The following BBX variants were observed in gnomAD, a reference collection of about 807,000 sequenced individuals.
BBX encodes HMG box transcription factor BBX.
A neutral mutation model predicts 100.2 loss-of-function variants in BBX; 30 were observed. The observed-to-expected ratio is 0.30, with a 90% CI of 0.22 to 0.41. The LOEUF is 0.41. BBX is among the 10% of genes least tolerant of loss of function. The pLI is 1.00. For synonymous variants in BBX, 376 were observed against 388.1 expected (o/e 0.97, Z 0.37); for missense variants, 1,023 against 1,129.8 (o/e 0.91, Z 1.35).
At chr3:107,700,782 G>A (rs983848963) in intron 3 of BBX, among the ~76,000 whole-genome samples, 6 of 151,582 alleles carry the variant, frequency 4.0e-5, no homozygotes, top group African/African-American at 1.5e-4. Context: ...ATTTTTTATG[G>A]CTGCATAGTA....
chr3:107,673,603 C>G (rs2059132773), intron 3 of BBX, among the ~76,000 whole-genome samples: 1 of 151,984 alleles, frequency 6.6e-6, no homozygotes, highest in South Asian at 2.1e-4. Flanking sequence ...GAAAATAATA[C>G]TGATTAAAAG....
At chr3:107,626,741 A>G (rs929671619) in intron 2 of BBX, among the ~76,000 whole-genome samples, 1 of 147,870 alleles carries the variant, frequency 6.8e-6, no homozygotes, top group Non-Finnish European at 1.5e-5. Context: ...TGCAACCTCT[A>G]CCTCCTGGGT....
chr3:107,696,521 T>C (rs1433127832), intron 3 of BBX, among the ~76,000 whole-genome samples: 1 of 151,766 alleles, frequency 6.6e-6, no homozygotes, highest in Admixed American at 6.6e-5. Flanking sequence ...TGTTGAATAC[T>C]GGCCCCCACT....
chr3:107,783,058 T>C (rs190220570), intron 13 of BBX, among the ~76,000 whole-genome samples: 1 of 152,278 alleles, frequency 6.6e-6, no homozygotes, highest in African/African-American at 2.4e-5. Flanking sequence ...AAGGAAAAGA[T>C]GTAATAGTAA....
intron 3 of BBX, among the ~76,000 whole-genome samples, chr3:107,656,873 C>G (rs189436354): frequency 3.0e-4 from 46 of 152,194 alleles, no homozygotes; most frequent in Admixed American, 3.0e-3. Flanking sequence ...CCTTAAACCC[C>G]ACTTAAGGAT....
intron 2 of BBX, among the ~76,000 whole-genome samples, chr3:107,552,733 A>G (rs189941353): frequency 6.6e-6 from 1 of 152,234 alleles, no homozygotes; most frequent in African/African-American, 2.4e-5. Context: ...TCCTGCCCCA[A>G]CTAAAGGTTA....
At chr3:107,530,287 G>A (rs1050237343) in intron 2 of BBX, among the ~76,000 whole-genome samples, 3 of 152,084 alleles carry the variant, frequency 2.0e-5, no homozygotes, top group Admixed American at 6.5e-5. Flanking sequence ...AGCTACTTGG[G>A]AGGCTGAGGC....
At chr3:107,760,944 C>G (rs2065852105) in intron 10 of BBX, among the ~76,000 whole-genome samples, 1 of 152,156 alleles carries the variant, frequency 6.6e-6, no homozygotes, top group African/African-American at 2.4e-5. Flanking sequence ...ATCAAGCTAG[C>G]CTTCCTTCAT....
intron 2 of BBX, among the ~76,000 whole-genome samples, chr3:107,544,873 C>T (rs190324263): frequency 2.0e-5 from 3 of 151,104 alleles, no homozygotes; most frequent in Admixed American, 2.0e-4. Context: ...AAAAAGTAGC[C>T]GGACATGGTG....
At chr3:107,555,087 AC>A (rs1424981543) in intron 2 of BBX, among the ~76,000 whole-genome samples, 1 of 151,998 alleles carries the variant, frequency 6.6e-6, no homozygotes, top group Admixed American at 6.6e-5. Flanking sequence ...AACAACAACA[AC>A]AACAACAACA....
chr3:107,574,515 G>C (rs1428156072), intron 2 of BBX, among the ~76,000 whole-genome samples: 3 of 152,036 alleles, frequency 2.0e-5, no homozygotes, highest in Non-Finnish European at 4.4e-5. Flanking sequence ...TTATATTTTG[G>C]TACTCTCAAC....
intron 2 of BBX, among the ~76,000 whole-genome samples, chr3:107,574,645 A>G (rs1238302286): frequency 6.6e-6 from 1 of 152,208 alleles, no homozygotes; most frequent in Admixed American, 6.5e-5. Context: ...AATATTGTAA[A>G]ATCCACCTTT....
intron 3 of BBX, among the ~76,000 whole-genome samples, chr3:107,697,685 C>CA (rs2060727574): frequency 6.6e-6 from 1 of 151,892 alleles, no homozygotes; most frequent in Admixed American, 6.5e-5. Flanking sequence ...GTGGAGCCTA[C>CA]AGAGGCAGGC....
intron 2 of BBX, among the ~76,000 whole-genome samples, chr3:107,592,402 T>A (rs1435966739): frequency 6.7e-6 from 1 of 149,776 alleles, no homozygotes; most frequent in African/African-American, 2.5e-5. Flanking sequence ...AAGATGACTG[T>A]ATGTTCTTTG....
chr3:107,562,552 A>G (rs1165138114), intron 2 of BBX, among the ~76,000 whole-genome samples: 1 of 152,212 alleles, frequency 6.6e-6, no homozygotes. Flanking sequence ...AGAATTTTAA[A>G]CAAATTAATA....
chr3:107,790,147 G>A (rs2068850503), intron 14 of BBX, among the ~76,000 whole-genome samples: 1 of 152,028 alleles, frequency 6.6e-6, no homozygotes, highest in Admixed American at 6.6e-5. Flanking sequence ...TGTATTTGGT[G>A]CGTTTTGCAA....
chr3:107,597,418 GCT>G (rs2053737563), intron 2 of BBX, among the ~76,000 whole-genome samples: 1 of 152,078 alleles, frequency 6.6e-6, no homozygotes, highest in Non-Finnish European at 1.5e-5. Context: ...AAATTGCAAA[GCT>G]TTGAAAAATA....
At chr3:107,670,041 T>C (rs1026814669) in intron 3 of BBX, among the ~76,000 whole-genome samples, 11 of 152,158 alleles carry the variant, frequency 7.2e-5, no homozygotes, top group African/African-American at 2.4e-4. Context: ...ATATATTCTT[T>C]CATGTATATT....
intron 2 of BBX, among the ~76,000 whole-genome samples, chr3:107,541,974 C>T (rs1478577314): frequency 6.6e-6 from 1 of 151,930 alleles, no homozygotes; most frequent in Non-Finnish European, 1.5e-5. Context: ...TTTGTCACCA[C>T]GACTGGATAG....
Sources: gnomAD v4.1 joint callset for allele counts (sites outside exome capture counted in the v4.1 genomes callset) on GRCh38, gnomAD v4.1.1 for gene constraint, MANE v1.5 for transcripts, NCBI Gene and HGNC (gene_info 2026-07-23, HGNC 2026-07-21) for gene names.